Variants in COL12A1 observed in about 807,000 individuals in gnomAD.
COL12A1 encodes collagen type XII alpha 1 chain.
COL12A1 carries 114 observed loss-of-function variants against 349.7 expected under a neutral mutation model. The ratio of observed to expected loss-of-function variants is 0.33; its 90% confidence interval spans 0.28 to 0.38. The LOEUF (loss-of-function observed/expected upper bound fraction) is 0.38. COL12A1 is among the 10% of genes least tolerant of loss of function. The probability of loss-of-function intolerance (pLI) is 1.00; values close to 1 mark genes in which losing one functional copy is unlikely to be tolerated. For missense variants in COL12A1, 3,284 were observed against 3,756.9 expected (o/e 0.87, Z 3.29); for synonymous variants, 1,369 against 1,329.0 (o/e 1.03, Z -0.66).
Position 75,142,150 on chromosome 6 carries a change from G to A in COL12A1, c.4839C>T (p.Asp1613=). The A allele has an allele frequency of 6.2e-7, 1 of 1,614,082 alleles. No homozygotes were observed. The highest frequency in any genetic ancestry group is 1.7e-5 in the Admixed American group (1 of 60,022). ...TGAGGGAAGTGCTGGTCTCTGATCTGTCCACCTCTACCTATAACAGTAACA... is the reference window on the plus strand; with the variant it reads ...TGAGGGAAGTGCTGGTCTCTGATCTATCCACCTCTACCTATAACAGTAACA... ...PEEDVKEVEV[D]RSETSTSLKD... is the part of the protein sequence containing the mutation. Residue 1613 remains aspartate (D), a synonymous_variant, in exon 27 of 66, where the codon GAC becomes GAT. Coordinates refer to ENST00000322507, the MANE Select transcript of COL12A1 (RefSeq NM_004370.6).
chr6:75,135,768 C>A (rs6916549), intron 31 of COL12A1, among the ~76,000 whole-genome samples: 86 of 152,236 alleles, frequency 5.6e-4, no homozygotes, highest in African/African-American at 1.9e-3. Flanking sequence ...AACTGAACTA[C>A]CGTGGCTAAT....
At chr6:75,150,253 T>G (rs116624446) in intron 21 of COL12A1, among the ~76,000 whole-genome samples, 1,895 of 152,282 alleles carry the variant, frequency 0.012, 37 homozygotes, top group African/African-American at 0.043. Flanking sequence ...ACCTTCAAAT[T>G]TGGTGATTAC....
intron 52 of COL12A1, 127 bp downstream of exon 52, chr6:75,108,891 C>T: frequency 3.0e-6 from 3 of 989,886 alleles, no homozygotes; most frequent in African/African-American, 1.7e-5. Flanking sequence ...TTGATCTGAC[C>T]AAGAAATTTG....
At chr6:75,103,915 T>C (rs571529320) in intron 54 of COL12A1, 105 bp from the exon 55 acceptor site, 2 of 725,416 alleles carry the variant, frequency 2.8e-6, no homozygotes, top group East Asian at 3.0e-5. Context: ...CAATTATTAT[T>C]CTACAGCTGC....
intron 13 of COL12A1, among the ~76,000 whole-genome samples, chr6:75,172,251 A>G (rs1768675702): frequency 2.0e-5 from 3 of 152,246 alleles, no homozygotes; most frequent in African/African-American, 7.2e-5. Context: ...ATCACAGCCT[A>G]GTAGAATGTG....
rs757348453 is a variant in COL12A1, at chr6:75,133,325, T to C, written c.5762A>G (p.Asp1921Gly). ...TCCAGTATCTGATGTGCGTCCCCCA[T>C]CACCTTCAGTATAAACGGGAACTAC... ...VTVVPVYTEG[D>G]GGRTSDTGRT... The change falls in exon 34 of 66, where the codon GAT becomes GGT. Residue 1921 changes from aspartate to glycine, a missense_variant. Physicochemically the swap from Asp to Gly is moderately conservative, Grantham distance 94. Around this residue, in one of 2 missense-constraint regions of COL12A1, gnomAD observed 2,601 missense variants for 2,824.8 expected, o/e 0.92. Coordinates refer to ENST00000322507, the MANE Select transcript of COL12A1 (RefSeq NM_004370.6). 9.3e-6 allele frequency: 15 copies of C among 1,607,192 alleles called. No homozygotes were observed. Among genetic ancestry groups the C allele is most frequent in the Middle Eastern group, 1.6e-4 (1 of 6,072 alleles).
chr6:75,167,096 G>A (rs1468485644), intron 13 of COL12A1, among the ~76,000 whole-genome samples: 1 of 152,088 alleles, frequency 6.6e-6, no homozygotes, highest in African/African-American at 2.4e-5. Context: ...CAGCTCTTGA[G>A]GTTAATTCCC....
intron 21 of COL12A1, among the ~76,000 whole-genome samples, chr6:75,149,873 C>A (rs187016102): frequency 1.3e-5 from 2 of 152,130 alleles, no homozygotes; most frequent in Admixed American, 1.3e-4. Flanking sequence ...TGTTTTCATC[C>A]CACTCAAAGT....
At chr6:75,197,856 A>G (rs1770314944) in intron 2 of COL12A1, among the ~76,000 whole-genome samples, 1 of 152,224 alleles carries the variant, frequency 6.6e-6, no homozygotes, top group East Asian at 1.9e-4. Context: ...TATGCTACGA[A>G]GACTCATTCT....
chr6:75,147,857 T>A, intron 22 of COL12A1, 53 bp from the exon 23 acceptor site: 1 of 1,583,784 alleles, frequency 6.3e-7, no homozygotes, highest in South Asian at 1.2e-5. Flanking sequence ...AGTTCCCTTT[T>A]TCCTACTATA....
intron 20 of COL12A1, 83 bp downstream of exon 20, chr6:75,151,784 C>A (rs1158484109): frequency 3.0e-6 from 4 of 1,347,704 alleles, no homozygotes; most frequent in Non-Finnish European, 3.0e-6. Flanking sequence ...TTTTTTCATG[C>A]TTCAGATAAA....
At chr6:75,095,327 A>C in intron 59 of COL12A1, 148 bp from the exon 60 acceptor site, 4 of 631,488 alleles carry the variant, frequency 6.3e-6, no homozygotes, top group East Asian at 3.0e-5. Flanking sequence ...TTAAGATAAC[A>C]TGAAATAGGG....
rs769670644 is a variant in COL12A1, at chr6:75,119,332, G to A, written c.7210+18C>T. 2 of 1,610,244 alleles carry A rather than the reference G, an allele frequency of 1.2e-6. No homozygotes were observed. The highest frequency in any genetic ancestry group is 1.1e-5 in the South Asian group (1 of 90,566). ...CACTACAAATGCTTGAAGAGTAAAG[G>A]TCTACATATACACATACCTGTTCTT... is the stretch of plus-strand genomic sequence containing the variant. On this transcript the variant is annotated intron_variant, in intron 45 of 65. Coordinates refer to ENST00000322507, the MANE Select transcript of COL12A1 (RefSeq NM_004370.6).
chr6:75,171,202 TAAC>T (rs1768613779), intron 13 of COL12A1, among the ~76,000 whole-genome samples: 2 of 152,176 alleles, frequency 1.3e-5, no homozygotes, highest in Admixed American at 6.5e-5. Flanking sequence ...CTAACTGCTC[TAAC>T]AACAACAGGG....
intron 14 of COL12A1, among the ~76,000 whole-genome samples, chr6:75,157,193 C>T (rs528046462): frequency 6.6e-5 from 10 of 152,044 alleles, no homozygotes; most frequent in East Asian, 1.9e-4. Context: ...TTATTAATAA[C>T]GCTATATGAA....
At chr6:75,189,874 T>C (rs1769839129) in intron 5 of COL12A1, 59 bp from the exon 6 acceptor site, 3 of 1,553,304 alleles carry the variant, frequency 1.9e-6, no homozygotes, top group Middle Eastern at 1.7e-4. Flanking sequence ...CATCAATACA[T>C]GTTAACATTG....
intron 60 of COL12A1, among the ~76,000 whole-genome samples, chr6:75,093,680 T>C (rs1183687570): frequency 6.6e-6 from 1 of 152,218 alleles, no homozygotes; most frequent in Non-Finnish European, 1.5e-5. Flanking sequence ...ATTTGGAGCA[T>C]TTTACAAATG....
intron 2 of COL12A1, among the ~76,000 whole-genome samples, chr6:75,198,752 T>A (rs1030900198): frequency 1.3e-5 from 2 of 151,800 alleles, no homozygotes; most frequent in African/African-American, 4.8e-5. Flanking sequence ...TGAGAGGGAG[T>A]AGAGGAGTCT....
intron 21 of COL12A1, among the ~76,000 whole-genome samples, chr6:75,150,794 G>C (rs537739093): frequency 6.6e-6 from 1 of 152,024 alleles, no homozygotes; most frequent in African/African-American, 2.4e-5. Context: ...ATGTTGTGTG[G>C]GGGAGGGTGC....
Sources: allele counts gnomAD v4.1 joint callset (sites outside exome capture counted in the v4.1 genomes callset), GRCh38; gene constraint gnomAD v4.1.1; regional missense constraint gnomAD v4.1.1; transcripts MANE v1.5; gene names NCBI Gene and HGNC (gene_info 2026-07-23, HGNC 2026-07-21).